The following CCNY variants were observed in gnomAD, a reference collection of about 807,000 sequenced individuals.
CCNY encodes the protein cyclin Y.
Under a neutral mutation model 42.8 loss-of-function variants are expected in CCNY, and 19 were observed. The ratio of observed to expected loss-of-function variants is 0.44; its 90% CI spans 0.31 to 0.65. The LOEUF is 0.65. Among genes scored for constraint, CCNY ranks in the 30% least tolerant of loss-of-function variants. The pLI, the probability that CCNY is intolerant of heterozygous loss-of-function variation, is 0.07. For synonymous variants in CCNY, 165 were observed against 162.7 expected (o/e 1.01, Z -0.11); for missense variants, 370 against 437.3 (o/e 0.85, Z 1.37).
At chr10:35,438,264 T>G (rs1046014969) in intron 1 of CCNY, among the ~76,000 whole-genome samples, 1 of 150,472 alleles carries the variant, frequency 6.6e-6, no homozygotes, top group Non-Finnish European at 1.5e-5. Flanking sequence ...TCCTCCCACC[T>G]CAGCCTTCCA....
intron 3 of CCNY, among the ~76,000 whole-genome samples, chr10:35,320,619 T>C (rs1835810040): frequency 6.6e-6 from 1 of 152,122 alleles, no homozygotes; most frequent in South Asian, 2.1e-4. Flanking sequence ...TCCTAGCCAG[T>C]ACAATAGGCA....
intron 2 of CCNY, among the ~76,000 whole-genome samples, chr10:35,485,480 C>G (rs1336297827): frequency 6.6e-6 from 1 of 152,210 alleles, no homozygotes; most frequent in African/African-American, 2.4e-5. Flanking sequence ...AATCCCAGCA[C>G]TTTGGGAGGC....
At chr10:35,559,014 A>C (rs896577533) in intron 8 of CCNY, among the ~76,000 whole-genome samples, 3 of 152,184 alleles carry the variant, frequency 2.0e-5, no homozygotes, top group Admixed American at 6.5e-5. Context: ...TATTAGAAAA[A>C]CCCAAGACTG....
intron 1 of CCNY, among the ~76,000 whole-genome samples, chr10:35,365,647 G>A (rs1836793055): frequency 6.6e-6 from 1 of 152,138 alleles, no homozygotes; most frequent in Non-Finnish European, 1.5e-5. Context: ...TGCCAGTTTA[G>A]TATGGTATTA....
chr10:35,283,265 A>G (rs191953316), intron 3 of CCNY, among the ~76,000 whole-genome samples: 15 of 152,348 alleles, frequency 9.8e-5, no homozygotes, highest in Admixed American at 9.8e-4. Context: ...TTTATAATTC[A>G]GTGTATAGAA....
chr10:35,406,181 CTTTT>C (rs57343974), intron 1 of CCNY, among the ~76,000 whole-genome samples: 1 of 133,390 alleles, frequency 7.5e-6, no homozygotes, highest in Non-Finnish European at 1.6e-5. Context: ...GGAGCTTTTT[CTTTT>C]TTTTTTTCTT....
intron 3 of CCNY, among the ~76,000 whole-genome samples, chr10:35,290,958 T>C (rs1389422647): frequency 1.3e-5 from 2 of 152,102 alleles, no homozygotes; most frequent in African/African-American, 4.8e-5. Flanking sequence ...TTTCTATCTC[T>C]AGAGATTTGA....
intron 1 of CCNY, among the ~76,000 whole-genome samples, chr10:35,383,513 G>A (rs1360183129): frequency 6.6e-6 from 1 of 152,066 alleles, no homozygotes; most frequent in Non-Finnish European, 1.5e-5. Context: ...TCACCATATT[G>A]GCCAGGCTGG....
chr10:35,335,140 T>C (rs1178288211), upstream of CCNY, among the ~76,000 whole-genome samples: 4 of 149,798 alleles, frequency 2.7e-5, no homozygotes, highest in Non-Finnish European at 5.9e-5. Context: ...AGTTTGTTTC[T>C]GCCACCTTAT....
intron 7 of CCNY, among the ~76,000 whole-genome samples, chr10:35,532,790 A>C (rs1270636829): frequency 1.3e-5 from 2 of 152,194 alleles, no homozygotes; most frequent in Admixed American, 1.3e-4. Flanking sequence ...AAGCTGACTG[A>C]TCCTGAGAAC....
At chr10:35,550,857 T>A (rs1156326507) in intron 7 of CCNY, among the ~76,000 whole-genome samples, 3 of 152,066 alleles carry the variant, frequency 2.0e-5, no homozygotes, top group Admixed American at 2.0e-4. Flanking sequence ...AGCCCCTCCT[T>A]TTCTTAGTTC....
chr10:35,274,954 G>A (rs1835219942), intron 3 of CCNY, among the ~76,000 whole-genome samples: 1 of 151,980 alleles, frequency 6.6e-6, no homozygotes, highest in African/African-American at 2.4e-5. Flanking sequence ...GGCCAGACTG[G>A]TGGAAGAAAT....
At chr10:35,295,228 T>C (rs1298689948) in intron 3 of CCNY, among the ~76,000 whole-genome samples, 1 of 129,316 alleles carries the variant, frequency 7.7e-6, no homozygotes, top group Non-Finnish European at 1.7e-5. Flanking sequence ...TCCCCTATAA[T>C]ACTTTTTTTT....
chr10:35,265,026 T>C (rs939692972), intron 3 of CCNY, among the ~76,000 whole-genome samples: 2 of 152,180 alleles, frequency 1.3e-5, no homozygotes, highest in Admixed American at 6.6e-5. Flanking sequence ...GTCAGATGGA[T>C]AGGTTGGGAA....
At chr10:35,398,185 C>G (rs749688073) in intron 1 of CCNY, among the ~76,000 whole-genome samples, 1 of 152,184 alleles carries the variant, frequency 6.6e-6, no homozygotes, top group Non-Finnish European at 1.5e-5. Flanking sequence ...GAGAGCCACC[C>G]CCTGGAGCCT....
chr10:35,487,223 T>G (rs1053150267), intron 2 of CCNY, among the ~76,000 whole-genome samples: 12 of 152,350 alleles, frequency 7.9e-5, no homozygotes, highest in African/African-American at 2.9e-4. Context: ...GGAAGAAATA[T>G]AGTCTGAGAC....
At chr10:35,376,023 G>T (rs1446602385) in intron 1 of CCNY, among the ~76,000 whole-genome samples, 1 of 152,158 alleles carries the variant, frequency 6.6e-6, no homozygotes, top group Non-Finnish European at 1.5e-5. Flanking sequence ...CCTGTACCGT[G>T]CCTTGGAAGC....
In CCNY at chr10:35,516,487, T is replaced by C. The variant is rs772963181; in HGVS notation, c.265-36T>C. The C allele has an allele frequency of 8.5e-6, 12 of 1,406,720 alleles. No homozygotes were observed. The Middle Eastern group carries it at 7.0e-4, about 82-fold the overall frequency. The allele number at this position is 1,406,720 out of a possible 1,614,324, so 87.1% of individuals were successfully genotyped here. ...TTTCTTGGAAGAATTCTGAGCCCTGTGTAATTGCCTTAATCTTCTTGCTGT... is the reference window on the plus strand; with the variant it reads ...TTTCTTGGAAGAATTCTGAGCCCTGCGTAATTGCCTTAATCTTCTTGCTGT... On this transcript the variant is annotated intron_variant, in intron 3 of 9. Coordinates refer to ENST00000374704, the MANE Select transcript of CCNY (RefSeq NM_145012.6).
intron 2 of CCNY, among the ~76,000 whole-genome samples, chr10:35,249,903 A>T (rs12098425): frequency 0.24 from 37,149 of 151,808 alleles, 5,214 homozygotes; most frequent in African/African-American, 0.38. Context: ...TACAAAAATT[A>T]GCCGGGTGTG....
Sources: gnomAD v4.1 joint callset for allele counts (sites outside exome capture counted in the v4.1 genomes callset) on GRCh38, gnomAD v4.1.1 for gene constraint, MANE v1.5 for transcripts, NCBI Gene and HGNC (gene_info 2026-07-23, HGNC 2026-07-21) for gene names.